Variants in PTPRD observed in about 807,000 individuals in gnomAD.
PTPRD encodes receptor-type tyrosine-protein phosphatase delta.
Under a neutral mutation model 214.5 loss-of-function variants are expected in PTPRD, and 34 were observed. That is an observed-to-expected ratio of 0.16 (90% confidence interval 0.12 to 0.21). The LOEUF (loss-of-function observed/expected upper bound fraction) is 0.21. Among genes scored for constraint, PTPRD ranks in the 10% least tolerant of loss-of-function variants. The probability of loss-of-function intolerance (pLI) is 1.00; values close to 1 mark genes in which losing one functional copy is unlikely to be tolerated. For synonymous variants in PTPRD, 1,128 were observed against 845.7 expected (o/e 1.33, Z -5.79); for missense variants, 2,545 against 2,398.7 (o/e 1.06, Z -1.27).
intron 3 of PTPRD, among the ~76,000 whole-genome samples, chr9:10,150,175 A>G (rs1317321318): frequency 6.6e-6 from 1 of 152,238 alleles, no homozygotes; most frequent in Admixed American, 6.5e-5. Context: ...TCAAAGAATT[A>G]TTTGTAATAG....
intron 3 of PTPRD, among the ~76,000 whole-genome samples, chr9:10,097,385 C>G (rs2098501934): frequency 6.9e-6 from 1 of 143,890 alleles, no homozygotes; most frequent in African/African-American, 2.7e-5. Flanking sequence ...GAATGTTCTT[C>G]CATTTGTTTG....
At chr9:8,914,138 T>C (rs1172418616) in intron 11 of PTPRD, among the ~76,000 whole-genome samples, 1 of 152,138 alleles carries the variant, frequency 6.6e-6, no homozygotes, top group Non-Finnish European at 1.5e-5. Flanking sequence ...ATTTGACCTC[T>C]AGAGTGGATG....
At chr9:10,131,758 A>G (rs1223390504) in intron 3 of PTPRD, among the ~76,000 whole-genome samples, 1 of 152,152 alleles carries the variant, frequency 6.6e-6, no homozygotes, top group Non-Finnish European at 1.5e-5. Context: ...GTCATGGAAG[A>G]TGTACTACTT....
chr9:8,522,907 T>C (rs1331098598), intron 19 of PTPRD, among the ~76,000 whole-genome samples: 1 of 152,194 alleles, frequency 6.6e-6, no homozygotes, highest in African/African-American at 2.4e-5. Flanking sequence ...TAAGTAATTC[T>C]GTCTGAAAAC....
intron 6 of PTPRD, among the ~76,000 whole-genome samples, chr9:9,736,402 T>C (rs1297691671): frequency 3.3e-5 from 5 of 152,122 alleles, no homozygotes; most frequent in Admixed American, 3.3e-4. Context: ...TTCCATTGGA[T>C]AAATATTCCA....
intron 11 of PTPRD, among the ~76,000 whole-genome samples, chr9:8,752,870 G>C (rs989087963): frequency 6.6e-6 from 1 of 152,112 alleles, no homozygotes. Flanking sequence ...ATAATTAAGT[G>C]GGTACTGGGT....
chr9:8,809,452 C>G (rs552717113), intron 11 of PTPRD, among the ~76,000 whole-genome samples: 2 of 152,268 alleles, frequency 1.3e-5, no homozygotes, highest in South Asian at 4.2e-4. Context: ...AACCCAATAA[C>G]CAACGTCTTT....
At chr9:10,185,313 T>G (rs1224340664) in intron 3 of PTPRD, among the ~76,000 whole-genome samples, 1 of 152,190 alleles carries the variant, frequency 6.6e-6, no homozygotes, top group Non-Finnish European at 1.5e-5. Context: ...ACTGAGCATG[T>G]GAAGCAATAA....
At position 9,760,079 on chromosome 9, in the gene PTPRD, G is replaced by C. The variant is rs192146062; in HGVS notation, c.-326+6731C>G. Among the ~76,000 whole-genome samples the C allele has an allele frequency of 3.4e-3, 512 of 152,186 alleles. 1 individual carries two copies. Among genetic ancestry groups the C allele is most frequent in the Non-Finnish European group, 6.0e-3 (410 of 68,018 alleles). The stretch of plus-strand genomic sequence containing the variant: ...CAAGATAATGGATTTTCCCTCTGAA[G>C]TTTCTCATAGTGTCTTGAGAAGGAT... On this transcript the variant is annotated intron_variant, in intron 6 of 45. Transcript: ENST00000381196.
chr9:10,267,521 A>T (rs1339516229), intron 3 of PTPRD, among the ~76,000 whole-genome samples: 1 of 152,190 alleles, frequency 6.6e-6, no homozygotes, highest in African/African-American at 2.4e-5. Flanking sequence ...TACTAGCAAG[A>T]TATGAGAAAG....
intron 10 of PTPRD, among the ~76,000 whole-genome samples, chr9:9,168,025 C>G (rs368636764): frequency 1.4e-3 from 217 of 152,008 alleles, no homozygotes; most frequent in African/African-American, 5.0e-3. Context: ...TTTTTTTCCA[C>G]CTTTGCTTTA....
At chr9:8,414,952 A>AGG (rs2093811841) in intron 35 of PTPRD, among the ~76,000 whole-genome samples, 2 of 147,930 alleles carry the variant, frequency 1.4e-5, no homozygotes, top group South Asian at 2.2e-4. Flanking sequence ...AGAGAGAGAG[A>AGG]GAGAGAGAGA....
intron 11 of PTPRD, among the ~76,000 whole-genome samples, chr9:8,775,741 T>G (rs1391682472): frequency 6.6e-6 from 1 of 151,992 alleles, no homozygotes; most frequent in East Asian, 1.9e-4. Context: ...CCCAGCACTT[T>G]GGGAGGCCAA....
At chr9:10,523,405 C>G (rs1439017304) in intron 2 of PTPRD, among the ~76,000 whole-genome samples, 1 of 151,510 alleles carries the variant, frequency 6.6e-6, no homozygotes, top group Non-Finnish European at 1.5e-5. Flanking sequence ...AACACTTCTC[C>G]TAGCTCAGCA....
At chr9:8,863,258 C>G (rs1003241414) in intron 11 of PTPRD, among the ~76,000 whole-genome samples, 5 of 151,984 alleles carry the variant, frequency 3.3e-5, no homozygotes, top group Non-Finnish European at 7.4e-5. Context: ...ACAATACTGG[C>G]TCTGCTACTG....
chr9:8,919,538 A>C (rs1186108794), intron 11 of PTPRD, among the ~76,000 whole-genome samples: 1 of 152,180 alleles, frequency 6.6e-6, no homozygotes, highest in African/African-American at 2.4e-5. Flanking sequence ...AGCTTAGCAA[A>C]ACCTGCTGAT....
chr9:9,104,381 A>G (rs2099795580), intron 10 of PTPRD, among the ~76,000 whole-genome samples: 1 of 152,234 alleles, frequency 6.6e-6, no homozygotes, highest in African/African-American at 2.4e-5. Context: ...CAGATAAGGT[A>G]AGTAGACAGG....
chr9:9,086,994 A>T (rs1350754909), intron 10 of PTPRD, among the ~76,000 whole-genome samples: 2 of 152,200 alleles, frequency 1.3e-5, no homozygotes, highest in Non-Finnish European at 2.9e-5. Context: ...CTGAAGTGAT[A>T]TACAGAGTGA....
intron 4 of PTPRD, among the ~76,000 whole-genome samples, chr9:10,009,154 G>C (rs2096546856): frequency 6.6e-6 from 1 of 151,940 alleles, no homozygotes; most frequent in Non-Finnish European, 1.5e-5. Flanking sequence ...ATCTTTTAGA[G>C]TCTTAAAGCT....
Sources: gnomAD v4.1 joint callset for allele counts (sites outside exome capture counted in the v4.1 genomes callset) on GRCh38, gnomAD v4.1.1 for gene constraint, MANE v1.5 for transcripts, NCBI Gene and HGNC (gene_info 2026-07-23, HGNC 2026-07-21) for gene names.